SETMAR: variants seen among roughly 807,000 people sequenced by gnomAD.
SETMAR encodes histone-lysine N-methyltransferase SETMAR.
In SETMAR, 44 loss-of-function variants were observed where a neutral mutation model predicts 58.4. The ratio of observed to expected loss-of-function variants is 0.75; its 90% CI spans 0.59 to 0.97. SETMAR has a LOEUF of 0.97. Ranked by LOEUF, SETMAR falls within the 50% of genes least tolerant of loss-of-function variation. SETMAR has a pLI of 0.00. For synonymous variants in SETMAR, 332 were observed against 307.4 expected (o/e 1.08, Z -0.84); for missense variants, 903 against 840.2 (o/e 1.07, Z -0.92).
Position 4,316,787 on chromosome 3 carries a change from G to C in SETMAR, c.1596G>C (p.Met532Ile). 6.4e-7 allele frequency: 1 copy of C among 1,550,706 alleles called. No individual in the cohort carries two copies. Among genetic ancestry groups the C allele is most frequent in the East Asian group, 2.4e-5 (1 of 40,908 alleles). The change falls in exon 3 of 3, where the codon ATG becomes ATC. Residue 532 changes from methionine to isoleucine, a missense_variant. Coordinates refer to ENST00000358065, the MANE Select transcript of SETMAR (RefSeq NM_006515.4). ...PKPILHPKKVMVTIWWSAAGL... is the reference protein window; with the variant it reads ...PKPILHPKKVIVTIWWSAAGL... ...CAATCTTGCACCCAAAAAAGGTCAT[G>C]GTCACTATTTGGTGGTCTGCTGCTG...
intron 1 of SETMAR, among the ~76,000 whole-genome samples, chr3:4,306,162 G>A (rs1324021715): frequency 6.6e-6 from 1 of 152,146 alleles, no homozygotes. Flanking sequence ...GTGCGTTTGA[G>A]ACTATTCTAT....
At chr3:4,314,500 A>G (rs1258610881) in intron 2 of SETMAR, 1 of 152,206 alleles carries the variant, frequency 6.6e-6, no homozygotes, top group Non-Finnish European at 1.5e-5. Flanking sequence ...ACCAGTAGTG[A>G]AAAATATAAC....
intron 1 of SETMAR, among the ~76,000 whole-genome samples, chr3:4,308,040 C>T (rs1698259866): frequency 6.6e-6 from 1 of 152,008 alleles, no homozygotes; most frequent in African/African-American, 2.4e-5. Flanking sequence ...AAAAAAAAAT[C>T]CCATTCTCCG....
intron 1 of SETMAR, among the ~76,000 whole-genome samples, chr3:4,311,630 T>C (rs1698408866): frequency 6.6e-6 from 1 of 152,212 alleles, no homozygotes; most frequent in African/African-American, 2.4e-5. Flanking sequence ...ATGTATCTAA[T>C]CATATATCCT....
At position 4,304,018 on chromosome 3, in the gene SETMAR, G is replaced by A. The variant is rs76956955; in HGVS notation, c.156+492G>A. The A allele has an allele frequency of 4.9e-3, 1,536 of 311,010 alleles. 13 individuals carry two copies. Among genetic ancestry groups the A allele is most frequent in the South Asian group, 9.9e-3 (245 of 24,746 alleles). 19.3% of individuals were successfully genotyped at this position (311,010 alleles called of 1,614,324 possible). On this transcript the variant is annotated intron_variant, in intron 1 of 2. Transcript: ENST00000358065. ...TGTGGCTCAGCCTTAGAGTCTTCCA[G>A]CGTACAGTGGAACAGTACCTCTCTT...
rs1344408434 is a variant in SETMAR at position 4,316,780 on chromosome 3, A to T, written c.1589A>T (p.Lys530Met). The change falls in exon 3 of 3, where the codon AAG becomes ATG. Residue 530 changes from lysine (K) to methionine (M), a missense_variant. Lys to Met is a moderately conservative substitution (Grantham distance 95). Transcript: ENST00000358065. The part of the protein sequence containing the change: ...HFPKPILHPK[K>M]VMVTIWWSAA... ...CCAAAGCCAATCTTGCACCCAAAAA[A>T]GGTCATGGTCACTATTTGGTGGTCT... 1.3e-6 allele frequency: 2 copies of T among 1,550,692 alleles called. No individual in the cohort carries two copies. The highest frequency in any genetic ancestry group is 2.7e-5 in the African/African-American group (2 of 73,006).
At chr3:4,304,973 G>T (rs991588388) in intron 1 of SETMAR, among the ~76,000 whole-genome samples, 5 of 151,362 alleles carry the variant, frequency 3.3e-5, no homozygotes, top group African/African-American at 4.9e-5. Context: ...TCAAAGTGGT[G>T]GGGGGGGCTT....
chr3:4,305,420 A>C (rs1281766651), intron 1 of SETMAR, among the ~76,000 whole-genome samples: 1 of 151,798 alleles, frequency 6.6e-6, no homozygotes, highest in Non-Finnish European at 1.5e-5. Context: ...TGGGGAGGAG[A>C]CTCCCAGCTG....
chr3:4,304,303 G>A (rs368586102), intron 1 of SETMAR, among the ~76,000 whole-genome samples: 3 of 152,148 alleles, frequency 2.0e-5, no homozygotes, highest in South Asian at 2.1e-4. Flanking sequence ...CACCACGCCC[G>A]GCTAATTTTT....
At position 4,308,238 on chromosome 3, in the gene SETMAR, A is replaced by G. The variant is rs115071992; in HGVS notation, c.157-4660A>G. On this transcript the variant is annotated intron_variant, in intron 1 of 2. Coordinates refer to ENST00000358065, the MANE Select transcript of SETMAR (RefSeq NM_006515.4). ...TCCTAGACACAATTTTGGTTTGAAT[A>G]TGTTTGAACCTGGAAAGTTTAACTC... Among the ~76,000 whole-genome samples, 382 of 152,326 alleles carry G rather than the reference A, an allele frequency of 2.5e-3. 1 individual carries two copies. The highest frequency in any genetic ancestry group is 4.7e-3 in the Non-Finnish European group (318 of 68,026).
Position 4,313,246 on chromosome 3 carries a change from G to C in SETMAR, c.505G>C (p.Ala169Pro). ...GAAAGGAAGGTTTGTCTGTGAATATGCTGGTGAGGTTTTAGGATTCTCTGA... is the reference window on the plus strand; with the variant it reads ...GAAAGGAAGGTTTGTCTGTGAATATCCTGGTGAGGTTTTAGGATTCTCTGA... ...IPKGRFVCEY[A>P]GEVLGFSEVQ... is the part of the protein sequence containing the mutation. The change falls in exon 2 of 3, where the codon GCT (alanine) becomes CCT (proline). Residue 169 changes from alanine to proline, a missense_variant. Coordinates refer to ENST00000358065, the MANE Select transcript of SETMAR (RefSeq NM_006515.4). 6.2e-7 allele frequency: 1 copy of C among 1,613,924 alleles called. No individual in the cohort carries two copies. Among genetic ancestry groups the C allele is most frequent in the Non-Finnish European group, 8.5e-7 (1 of 1,179,978 alleles).
rs937258957 is a variant in SETMAR at position 4,313,677 on chromosome 3, C to T, written c.936C>T (p.Asn312=). 1.1e-5 allele frequency: 18 copies of T among 1,613,892 alleles called. No individual in the cohort carries two copies. Among genetic ancestry groups the T allele is most frequent in the Non-Finnish European group, 1.3e-5 (15 of 1,179,968 alleles). Residue 312 remains asparagine (N), a synonymous_variant, in exon 2 of 3, where the codon AAC becomes AAT. Coordinates refer to ENST00000358065, the MANE Select transcript of SETMAR (RefSeq NM_006515.4). ...SSLYCPVEKS[N]ISCGNEKEPS... is the part of the protein sequence containing the mutation. ...TGTACTGCCCCGTAGAAAAGTCGAA[C>T]ATCAGTTGTGGAAATGAGAAGGAAC...
In SETMAR at chr3:4,316,501, A is replaced by T. The variant is rs573824448; in HGVS notation, c.1310A>T (p.Asn437Ile). 6.3e-7 allele frequency: 1 copy of T among 1,598,532 alleles called. No homozygotes were observed. Among genetic ancestry groups the T allele is most frequent in the Non-Finnish European group, 8.5e-7 (1 of 1,172,052 alleles). The change falls in exon 3 of 3, where the codon AAT (asparagine) becomes ATT (isoleucine). Residue 437 changes from asparagine (N) to isoleucine (I), a missense_variant. Coordinates refer to ENST00000358065, the MANE Select transcript of SETMAR (RefSeq NM_006515.4). ...ACACGAGAAGTTGCTGAAGAACTCAATGTCAACCATTCTACGGTCGTTCGA... is the reference window on the plus strand; with the variant it reads ...ACACGAGAAGTTGCTGAAGAACTCATTGTCAACCATTCTACGGTCGTTCGA... The part of the protein sequence containing the change: ...TTTREVAEEL[N>I]VNHSTVVRHL...
intron 1 of SETMAR, among the ~76,000 whole-genome samples, chr3:4,306,285 T>C (rs67779244): frequency 0.24 from 35,869 of 152,118 alleles, 5,869 homozygotes; most frequent in African/African-American, 0.47. Flanking sequence ...GTTAAATTAT[T>C]TAAAAATAAA....
intron 1 of SETMAR, among the ~76,000 whole-genome samples, chr3:4,309,490 G>A (rs568752481): frequency 2.6e-5 from 4 of 152,226 alleles, no homozygotes; most frequent in African/African-American, 9.6e-5. Flanking sequence ...TTGTTTGCAA[G>A]AAACATAACA....
At position 4,303,497 on chromosome 3, in the gene SETMAR, C is replaced by G; in HGVS notation, c.127C>G (p.Pro43Ala). ...GGAAAACTTGCCGGTGGGCGCGTGG[C>G]CCCCGGGGGCCGCGCCGGCGCCCTT... ...GQENLPVGAW[P>A]PGAAPAPFQY... Residue 43 changes from proline to alanine, a missense_variant, in exon 1 of 3, where the codon CCC becomes GCC. Physicochemically the swap from Pro to Ala is conservative, Grantham distance 27. Transcript: ENST00000358065. 4 of 1,462,204 alleles carry G rather than the reference C, an allele frequency of 2.7e-6. No individual in the cohort carries two copies. The highest frequency in any genetic ancestry group is 3.6e-6 in the Non-Finnish European group (4 of 1,113,266). The allele number at this position is 1,462,204 out of a possible 1,614,324, so 90.6% of individuals were successfully genotyped here.
At chr3:4,315,494 G>A (rs1259194864) in intron 2 of SETMAR, among the ~76,000 whole-genome samples, 1 of 152,050 alleles carries the variant, frequency 6.6e-6, no homozygotes, top group African/African-American at 2.4e-5. Flanking sequence ...ACTGAATATG[G>A]ACCCCTGGAA....
Position 4,313,255 on chromosome 3 carries a change from G to A in SETMAR, c.514G>A (p.Val172Ile), listed in dbSNP as rs753783828. The A allele has an allele frequency of 1.1e-5, 18 of 1,613,800 alleles. No homozygotes were observed. In the African/African-American group the frequency reaches 2.1e-4, roughly 19 times the overall value. Residue 172 changes from valine to isoleucine, a missense_variant, in exon 2 of 3, where the codon GTT (valine) becomes ATT (isoleucine). Val to Ile is a conservative substitution (Grantham distance 29). Transcript: ENST00000358065. ...GTTTGTCTGTGAATATGCTGGTGAG[G>A]TTTTAGGATTCTCTGAAGTTCAGAG... is the stretch of plus-strand genomic sequence containing the variant. ...GRFVCEYAGE[V>I]LGFSEVQRRI...
At chr3:4,309,244 A>G (rs1042470910) in intron 1 of SETMAR, among the ~76,000 whole-genome samples, 7 of 152,164 alleles carry the variant, frequency 4.6e-5, no homozygotes, top group African/African-American at 1.7e-4. Flanking sequence ...AGTCTGTTCT[A>G]TCAGTAATTC....
Sources: gnomAD v4.1 joint callset for allele counts (sites outside exome capture counted in the v4.1 genomes callset) on GRCh38, gnomAD v4.1.1 for gene constraint, MANE v1.5 for transcripts, NCBI Gene and HGNC (gene_info 2026-07-23, HGNC 2026-07-21) for gene names.